The following TRMU variants were observed in gnomAD, a reference collection of about 807,000 sequenced individuals.
The protein encoded by TRMU is mitochondrial tRNA-specific 2-thiouridylase 1.
In TRMU, 49 loss-of-function variants were observed where a neutral mutation model predicts 46.9. That is an observed-to-expected ratio of 1.05 (90% CI 0.83 to 1.33). The LOEUF is 1.33. Ranked by LOEUF, TRMU falls within the 40% of genes most tolerant of loss-of-function variation. The probability of loss-of-function intolerance (pLI) is 0.00; values close to 1 mark genes in which losing one functional copy is unlikely to be tolerated. For synonymous variants in TRMU, 241 were observed against 200.9 expected (o/e 1.20, Z -1.69); for missense variants, 572 against 532.4 (o/e 1.07, Z -0.73).
chr22:46,344,717 G>C (rs141131819), intron 3 of TRMU, among the ~76,000 whole-genome samples: 3 of 152,218 alleles, frequency 2.0e-5, no homozygotes, highest in African/African-American at 7.2e-5. Context: ...GGCATGAACC[G>C]TGCAGCACAG....
At chr22:46,352,426 A>G in intron 7 of TRMU, 96 bp downstream of exon 7, 2 of 1,456,626 alleles carry the variant, frequency 1.4e-6, no homozygotes, top group Middle Eastern at 1.8e-4. Flanking sequence ...CGTCCCTTCC[A>G]CTTGGCTGGA....
chr22:46,346,601 G>A, intron 4 of TRMU, 57 bp downstream of exon 4: 1 of 1,583,418 alleles, frequency 6.3e-7, no homozygotes, highest in Non-Finnish European at 8.6e-7. Context: ...GAAATCTTTG[G>A]AGGAATGACA....
intron 1 of TRMU, 115 bp downstream of exon 1, chr22:46,335,961 G>A (rs2077963453): frequency 2.0e-6 from 3 of 1,484,008 alleles, no homozygotes; most frequent in African/African-American, 2.9e-5. Context: ...GGTTGCGCGC[G>A]GGTCGGCAGG....
At chr22:46,352,591 T>C (rs992241198) in intron 7 of TRMU, 14 of 567,376 alleles carry the variant, frequency 2.5e-5, no homozygotes, top group Non-Finnish European at 3.8e-5. Context: ...GACTATACTC[T>C]GTGAGTTACG....
rs2077970553 is a variant in TRMU at position 46,336,150 on chromosome 22, T to C, written c.82+304T>C. On this transcript the variant is annotated intron_variant, in intron 1 of 10. Transcript: ENST00000645190. This position sits in a 1 kb window ranked among gnomAD's most constrained non-coding sequence, Gnocchi z 4.1. ...GGGGTGGGGTGGGGAGGGAAGGGTT[T>C]CTCACGGATCTGCGGCGTCCACATT... is the stretch of plus-strand genomic sequence containing the variant. 1 of 1,291,462 alleles carries C rather than the reference T, an allele frequency of 7.7e-7. No individual in the cohort carries two copies. Among genetic ancestry groups the C allele is most frequent in the Admixed American group, 3.6e-5 (1 of 27,544 alleles). 80.0% of individuals were successfully genotyped at this position (1,291,462 alleles called of 1,614,324 possible).
In TRMU at chr22:46,355,977, C is replaced by T; in HGVS notation, c.1019-13C>T. The T allele has an allele frequency of 6.2e-7, 1 of 1,613,852 alleles. No homozygotes were observed. Among genetic ancestry groups the T allele is most frequent in the African/African-American group, 1.3e-5 (1 of 75,028 alleles). On this transcript the variant is annotated splice_polypyrimidine_tract_variant and intron_variant, in intron 9 of 10. Transcript: ENST00000645190. ...GCCTGTGCCCCCTCCAAGGGCCCCTCTCTTCTACCCAGTGCCCTGTGTGCT... is the reference window on the plus strand; with the variant it reads ...GCCTGTGCCCCCTCCAAGGGCCCCTTTCTTCTACCCAGTGCCCTGTGTGCT...
intron 8 of TRMU, chr22:46,355,176 TC>T: frequency 1.7e-6 from 1 of 572,652 alleles, no homozygotes; most frequent in Non-Finnish European, 3.1e-6. Context: ...GCATTCACTG[TC>T]ATGGGCTCGG....
chr22:46,357,088 C>T lies in TRMU; in HGVS notation c.*82C>T. ...GTGAGCAGTCCAGGTGCCCAAGGGC[C>T]AGCTTGCTGCTGCCCAAAGCAGAGG... is the stretch of plus-strand genomic sequence containing the variant. On this transcript the variant is annotated 3_prime_UTR_variant, in exon 11 of 11. Coordinates refer to ENST00000645190, the MANE Select transcript of TRMU (RefSeq NM_018006.5). 1.3e-6 allele frequency: 2 copies of T among 1,579,800 alleles called. No homozygotes were observed. The highest frequency in any genetic ancestry group is 1.7e-6 in the Non-Finnish European group (2 of 1,159,030).
Position 46,349,290 on chromosome 22 carries a change from G to A in TRMU, c.479-1001G>A, listed in dbSNP as rs970535845. On this transcript the variant is annotated intron_variant, in intron 4 of 10. Transcript: ENST00000645190. The surrounding 1 kb of genome is among the most constrained non-coding windows in gnomAD (Gnocchi z 4.6). ...AGGCTGGGCAGCCTCCAGCCCCACCGCCTCCACCTGCATCACTTTGGGCGA... is the reference window on the plus strand; with the variant it reads ...AGGCTGGGCAGCCTCCAGCCCCACCACCTCCACCTGCATCACTTTGGGCGA... Among the ~76,000 whole-genome samples, 4 of 152,174 alleles carry A rather than the reference G, an allele frequency of 2.6e-5. No homozygotes were observed. The highest frequency in any genetic ancestry group is 9.7e-5 in the African/African-American group (4 of 41,450).
chr22:46,346,348 G>T, intron 3 of TRMU, 74 bp from the exon 4 acceptor site: 1 of 1,561,326 alleles, frequency 6.4e-7, no homozygotes, highest in Non-Finnish European at 8.7e-7. Context: ...CTTCTTTTGT[G>T]CCTTGGTTTA....
rs751497679 is a variant in TRMU at position 46,353,845 on chromosome 22, G to A, written c.851G>A (p.Ser284Asn). The A allele has an allele frequency of 3.1e-6, 5 of 1,613,846 alleles. No individual in the cohort carries two copies. The highest frequency in any genetic ancestry group is 2.7e-5 in the African/African-American group (2 of 74,934). Residue 284 changes from serine (S) to asparagine (N), a missense_variant, in exon 8 of 11, where the codon AGC (serine) becomes AAC (asparagine). By Grantham distance (46) the Ser-to-Asn change is conservative. Coordinates refer to ENST00000645190, the MANE Select transcript of TRMU (RefSeq NM_018006.5). ...CCCTGGTACGTGGTGGAGAAGGACA[G>A]CGTCAAGGGTGACGTGTTTGTGGTG... ...REPWYVVEKD[S>N]VKGDVFVAPR... is the part of the protein sequence containing the mutation.
chr22:46,346,061 G>A (rs765366706), intron 3 of TRMU, among the ~76,000 whole-genome samples: 43 of 152,280 alleles, frequency 2.8e-4, no homozygotes, highest in Middle Eastern at 3.4e-3. Context: ...ATGAGCCACC[G>A]CGCCTGGCCT....
chr22:46,353,250 C>G, intron 7 of TRMU: 1 of 183,258 alleles, frequency 5.5e-6, no homozygotes, highest in Admixed American at 5.4e-5. Context: ...CCGGCCCAGG[C>G]CACGTGGTAA....
rs2077965257 is a variant in TRMU, at chr22:46,336,011, G to A, written c.82+165G>A. On this transcript the variant is annotated intron_variant, in intron 1 of 10. Transcript: ENST00000645190. This position sits in a 1 kb window ranked among gnomAD's most constrained non-coding sequence, Gnocchi z 4.1. ...TCTGACTTTGGTTCGGAGGCTCCTCGCCCTCCACCTGTGTAGTCGGAGGTG... is the reference window on the plus strand; with the variant it reads ...TCTGACTTTGGTTCGGAGGCTCCTCACCCTCCACCTGTGTAGTCGGAGGTG... 6.9e-7 allele frequency: 1 copy of A among 1,444,924 alleles called. No homozygotes were observed. Among genetic ancestry groups the A allele is most frequent in the Non-Finnish European group, 9.1e-7 (1 of 1,100,508 alleles). The allele number at this position is 1,444,924 out of a possible 1,614,324, so 89.5% of individuals were successfully genotyped here.
rs1162455668 is a variant in TRMU, at chr22:46,350,826, C to T, written c.651+363C>T. Among the ~76,000 whole-genome samples, 1 of 152,186 alleles carries T rather than the reference C, an allele frequency of 6.6e-6. No homozygotes were observed. Among genetic ancestry groups the T allele is most frequent in the Non-Finnish European group, 1.5e-5 (1 of 68,032 alleles). On this transcript the variant is annotated intron_variant, in intron 5 of 10. Coordinates refer to ENST00000645190, the MANE Select transcript of TRMU (RefSeq NM_018006.5). The surrounding 1 kb of genome is among the most constrained non-coding windows in gnomAD (Gnocchi z 4.6). Reference sequence around the variant, plus strand: ...CCTGGAGGGGCAGGTGCTGTGCCGCCGTCTGCACACTCATGTGCCCTGTCA... The same window carrying T: ...CCTGGAGGGGCAGGTGCTGTGCCGCTGTCTGCACACTCATGTGCCCTGTCA...
Position 46,339,180 on chromosome 22 carries a change from C to T in TRMU, c.248+1236C>T, listed in dbSNP as rs1055786369. On this transcript the variant is annotated intron_variant, in intron 2 of 10. Coordinates refer to ENST00000645190, the MANE Select transcript of TRMU (RefSeq NM_018006.5). The surrounding 1 kb of genome is among the most constrained non-coding windows in gnomAD (Gnocchi z 4.8). ...TCTATTTTTTTTTGAGACAGAGCCT[C>T]GCTCTGTTGCCCAGGCTGGAGTGCA... is the stretch of plus-strand genomic sequence containing the variant. 1.3e-5 allele frequency among the ~76,000 whole-genome samples: 2 copies of T among 152,000 alleles called. No homozygotes were observed. Among genetic ancestry groups the T allele is most frequent in the Non-Finnish European group, 1.5e-5 (1 of 68,012 alleles).
intron 1 of TRMU, 128 bp from the exon 2 acceptor site, chr22:46,337,651 T>G (rs961252219): frequency 1.6e-6 from 2 of 1,253,470 alleles, no homozygotes; most frequent in Non-Finnish European, 2.3e-6. Context: ...AAGCAGGGAC[T>G]GCCCGGCAGG....
rs863224241 is a variant in TRMU at position 46,353,752 on chromosome 22, ACTGT to A, written c.773-12_773-9del. On this transcript the variant is annotated splice_polypyrimidine_tract_variant and intron_variant, in intron 7 of 10. Coordinates refer to ENST00000645190, the MANE Select transcript of TRMU (RefSeq NM_018006.5). ...ACTTGTTGCCCAGCCTCATGGAGAA[ACTGT>A]CTTTCTGTAGGTTGGTTCCTGTATA... 310 of 1,612,642 alleles carry A rather than the reference ACTGT, an allele frequency of 1.9e-4. No homozygotes were observed. Among genetic ancestry groups the A allele is most frequent in the Non-Finnish European group, 2.5e-4 (299 of 1,179,056 alleles).
At position 46,342,919 on chromosome 22, in the gene TRMU, C is replaced by G. The variant is rs2078158567; in HGVS notation, c.249-343C>G. 6.6e-6 allele frequency among the ~76,000 whole-genome samples: 1 copy of G among 152,256 alleles called. No individual in the cohort carries two copies. Among genetic ancestry groups the G allele is most frequent in the South Asian group, 2.1e-4 (1 of 4,832 alleles). The stretch of plus-strand genomic sequence containing the variant: ...TTCATTTCCACTGTCACTCAGGCAT[C>G]TTCTCTTCCTCACCTAAGCCCTGCT... On this transcript the variant is annotated intron_variant, in intron 2 of 10. Transcript: ENST00000645190. This position sits in a 1 kb window ranked among gnomAD's most constrained non-coding sequence, Gnocchi z 4.7.
Sources: allele counts gnomAD v4.1 joint callset (sites outside exome capture counted in the v4.1 genomes callset), GRCh38; gene constraint gnomAD v4.1.1; non-coding constraint Gnocchi (gnomAD v3.1); transcripts MANE v1.5; gene names NCBI Gene and HGNC (gene_info 2026-07-23, HGNC 2026-07-21).